The following AGAP1 variants were observed in gnomAD, a reference collection of about 807,000 sequenced individuals.
AGAP1 encodes arf-GAP with GTPase, ANK repeat and PH domain-containing protein 1.
Under a neutral mutation model 105.3 loss-of-function variants are expected in AGAP1, and 29 were observed. The observed-to-expected ratio is 0.28, with a 90% confidence interval of 0.21 to 0.38. AGAP1 has a LOEUF of 0.38. AGAP1 is among the 10% of genes least tolerant of loss of function. AGAP1 has a pLI of 1.00. For missense variants in AGAP1, 998 were observed against 1,165.1 expected (o/e 0.86, Z 2.09); for synonymous variants, 509 against 485.9 (o/e 1.05, Z -0.63).
At chr2:235,858,965 A>T (rs1319823008) in intron 9 of AGAP1, among the ~76,000 whole-genome samples, 2 of 152,254 alleles carry the variant, frequency 1.3e-5, no homozygotes, top group Admixed American at 6.5e-5. Context: ...CTGACAATGA[A>T]TGGCAAAAAT....
At chr2:235,910,254 A>G (rs1169930952) in intron 11 of AGAP1, among the ~76,000 whole-genome samples, 1 of 152,290 alleles carries the variant, frequency 6.6e-6, no homozygotes, top group African/African-American at 2.4e-5. Context: ...TTCCCACCAC[A>G]TTGGGGTGCT....
intron 1 of AGAP1, among the ~76,000 whole-genome samples, chr2:235,638,892 A>G (rs1032274679): frequency 6.6e-6 from 1 of 152,170 alleles, no homozygotes; most frequent in Non-Finnish European, 1.5e-5. Flanking sequence ...CAGGATGTTC[A>G]GGAGCATCTC....
chr2:235,859,109 C>T (rs941616614), intron 9 of AGAP1, among the ~76,000 whole-genome samples: 2 of 152,120 alleles, frequency 1.3e-5, no homozygotes, highest in African/African-American at 2.4e-5. Flanking sequence ...TAATGGTGCT[C>T]GGCGGCTGCT....
rs757714709 is a variant in AGAP1, at chr2:235,964,479, G to A, written c.1484-3983G>A. The stretch of plus-strand genomic sequence containing the variant: ...AGAGAGGATGGGATGGTAAAGACTT[G>A]GGAACCCTGGGCAGAAAATATTTAA... On this transcript the variant is annotated intron_variant, in intron 12 of 17. Coordinates refer to ENST00000304032, the MANE Select transcript of AGAP1 (RefSeq NM_001037131.3). The surrounding 1 kb of genome is among the most constrained non-coding windows in gnomAD (Gnocchi z 4.6). Among the ~76,000 whole-genome samples the A allele has an allele frequency of 3.9e-5, 6 of 151,972 alleles. No individual in the cohort carries two copies. The highest frequency in any genetic ancestry group is 7.4e-5 in the Non-Finnish European group (5 of 68,008).
intron 10 of AGAP1, among the ~76,000 whole-genome samples, chr2:235,896,543 A>G (rs943721322): frequency 2.6e-5 from 4 of 152,204 alleles, no homozygotes; most frequent in African/African-American, 9.7e-5. Context: ...AGTCCTGACC[A>G]CAGTGAACTG....
rs376360798 is a variant in AGAP1, at chr2:235,772,523, A to G, written c.673+22035A>G. Among the ~76,000 whole-genome samples the G allele has an allele frequency of 1.1e-3, 167 of 152,296 alleles. 3 individuals carry two copies. The highest frequency in any genetic ancestry group is 6.8e-3 in the Middle Eastern group (2 of 292). On this transcript the variant is annotated intron_variant, in intron 6 of 17. Coordinates refer to ENST00000304032, the MANE Select transcript of AGAP1 (RefSeq NM_001037131.3). ...CTTGTAGGTTATGGCTTGTGGATGG[A>G]TAAACTCTGGGCTGGACCACAGAGT...
At chr2:235,898,222 C>T (rs952154235) in intron 10 of AGAP1, among the ~76,000 whole-genome samples, 1 of 152,148 alleles carries the variant, frequency 6.6e-6, no homozygotes, top group Non-Finnish European at 1.5e-5. Flanking sequence ...GTGTAGCTTC[C>T]CATTTGCTGC....
intron 16 of AGAP1, among the ~76,000 whole-genome samples, chr2:236,079,416 C>G (rs2058724720): frequency 6.8e-6 from 1 of 147,970 alleles, no homozygotes; most frequent in Admixed American, 6.7e-5. Context: ...TGCCTGTGGT[C>G]CCAGCTACTC....
rs2056091659 is a variant in AGAP1 at position 236,000,895 on chromosome 2, G to C, written c.1645+32272G>C. Among the ~76,000 whole-genome samples, 1 of 152,172 alleles carries C rather than the reference G, an allele frequency of 6.6e-6. No homozygotes were observed. Among genetic ancestry groups the C allele is most frequent in the Non-Finnish European group, 1.5e-5 (1 of 68,026 alleles). On this transcript the variant is annotated intron_variant, in intron 13 of 17. Transcript: ENST00000304032. This position sits in a 1 kb window ranked among gnomAD's most constrained non-coding sequence, Gnocchi z 4.3. Reference sequence around the variant, plus strand: ...AAGGGCCTGTGTGGAAGGAACCAGGGCCAAGCGAGGGAGGCAGATGCCGCG... The same window carrying C: ...AAGGGCCTGTGTGGAAGGAACCAGGCCCAAGCGAGGGAGGCAGATGCCGCG...
chr2:235,650,728 G>GT (rs1201155463), intron 1 of AGAP1, among the ~76,000 whole-genome samples: 6 of 152,238 alleles, frequency 3.9e-5, no homozygotes, highest in Admixed American at 6.5e-5. Context: ...GAAAAAGTGT[G>GT]TTTTTTGCAG....
At chr2:235,722,452 AG>A (rs1426832453) in intron 3 of AGAP1, among the ~76,000 whole-genome samples, 1 of 152,154 alleles carries the variant, frequency 6.6e-6, no homozygotes, top group African/African-American at 2.4e-5. Flanking sequence ...TAAGGTGGTG[AG>A]GGCCTTCCTG....
In AGAP1 at chr2:235,689,002, G is replaced by A. The variant is rs911663698; in HGVS notation, c.164-20177G>A. Among the ~76,000 whole-genome samples the A allele has an allele frequency of 1.3e-5, 2 of 152,178 alleles. No homozygotes were observed. The highest frequency in any genetic ancestry group is 6.6e-5 in the Admixed American group (1 of 15,266). On this transcript the variant is annotated intron_variant, in intron 1 of 17. Coordinates refer to ENST00000304032, the MANE Select transcript of AGAP1 (RefSeq NM_001037131.3). The surrounding 1 kb of genome is among the most constrained non-coding windows in gnomAD (Gnocchi z 4.2). Reference sequence around the variant, plus strand: ...AGCACTTTGCTTGCATTTGTGCAGCGATTCCAGCAACAACCCTGTGCGGTA... The same window carrying A: ...AGCACTTTGCTTGCATTTGTGCAGCAATTCCAGCAACAACCCTGTGCGGTA...
chr2:235,898,961 G>A (rs2050935118), intron 10 of AGAP1, among the ~76,000 whole-genome samples: 1 of 152,214 alleles, frequency 6.6e-6, no homozygotes, highest in Admixed American at 6.5e-5. Flanking sequence ...ACAAGGTGCT[G>A]TGAACTCCCT....
At chr2:235,779,180 T>C (rs539218451) in intron 6 of AGAP1, among the ~76,000 whole-genome samples, 2 of 152,160 alleles carry the variant, frequency 1.3e-5, no homozygotes, top group African/African-American at 2.4e-5. Context: ...AGTAACTTGA[T>C]GAGGAGCAGC....
At chr2:235,580,927 A>G (rs1944909694) in intron 1 of AGAP1, among the ~76,000 whole-genome samples, 1 of 152,044 alleles carries the variant, frequency 6.6e-6, no homozygotes, top group Non-Finnish European at 1.5e-5. Flanking sequence ...ATAACTTGTG[A>G]CTGCTGTGTT....
intron 3 of AGAP1, among the ~76,000 whole-genome samples, chr2:235,726,131 G>T (rs554966158): frequency 6.6e-6 from 1 of 152,174 alleles, no homozygotes; most frequent in Non-Finnish European, 1.5e-5. Flanking sequence ...CTGCATTGGA[G>T]CCTGTGTTCC....
Position 235,842,512 on chromosome 2 carries a change from C to G in AGAP1, c.1050+35181C>G, listed in dbSNP as rs1575597039. Reference sequence around the variant, plus strand: ...TTAATAAAGCAGTGTGCTTATTACCCAGCCACAGGCGTTGCTTATATTTTG... The same window carrying G: ...TTAATAAAGCAGTGTGCTTATTACCGAGCCACAGGCGTTGCTTATATTTTG... On this transcript the variant is annotated intron_variant, in intron 9 of 17. Coordinates refer to ENST00000304032, the MANE Select transcript of AGAP1 (RefSeq NM_001037131.3). This position sits in a 1 kb window ranked among gnomAD's most constrained non-coding sequence, Gnocchi z 5.3. 1.3e-5 allele frequency among the ~76,000 whole-genome samples: 2 copies of G among 152,174 alleles called. No individual in the cohort carries two copies. The highest frequency in any genetic ancestry group is 2.9e-5 in the Non-Finnish European group (2 of 68,034).
Position 236,000,264 on chromosome 2 carries a change from T to A in AGAP1, c.1645+31641T>A, listed in dbSNP as rs1005015898. On this transcript the variant is annotated intron_variant, in intron 13 of 17. Transcript: ENST00000304032. This position sits in a 1 kb window ranked among gnomAD's most constrained non-coding sequence, Gnocchi z 4.3. ...CTTCGACTTGAAGCGAAAGGACTTA[T>A]AATGAAGCCAGTTTTTTTCCTTATC... 6.6e-6 allele frequency among the ~76,000 whole-genome samples: 1 copy of A among 152,198 alleles called. No homozygotes were observed. Among genetic ancestry groups the A allele is most frequent in the African/African-American group, 2.4e-5 (1 of 41,444 alleles).
chr2:235,572,990 T>G (rs1050448574), intron 1 of AGAP1, among the ~76,000 whole-genome samples: 8 of 22,542 alleles, frequency 3.5e-4, no homozygotes, highest in Non-Finnish European at 8.2e-5. Context: ...TTCTTCTTCT[T>G]CTTCTTCTTC....
Sources: gnomAD v4.1 joint callset for allele counts (sites outside exome capture counted in the v4.1 genomes callset) on GRCh38, gnomAD v4.1.1 for gene constraint, Gnocchi (gnomAD v3.1) non-coding constraint, MANE v1.5 for transcripts, NCBI Gene and HGNC (gene_info 2026-07-23, HGNC 2026-07-21) for gene names.